SGCZ: variants seen among roughly 807,000 people sequenced by gnomAD.
SGCZ encodes zeta-sarcoglycan.
SGCZ carries 40 observed loss-of-function variants against 41.3 expected under a neutral mutation model. The ratio of observed to expected loss-of-function variants is 0.97; its 90% CI spans 0.75 to 1.26. The LOEUF (loss-of-function observed/expected upper bound fraction) is 1.26, where lower values mean the gene tolerates loss of function less well. Ranked by LOEUF, SGCZ falls within the 50% of genes most tolerant of loss-of-function variation. SGCZ has a pLI of 0.00. For synonymous variants in SGCZ, 206 were observed against 137.5 expected (o/e 1.50, Z -3.49); for missense variants, 552 against 369.8 (o/e 1.49, Z -4.04).
chr8:14,803,030 T>A (rs1302612382), intron 1 of SGCZ, among the ~76,000 whole-genome samples: 1 of 152,170 alleles, frequency 6.6e-6, no homozygotes, highest in Admixed American at 6.5e-5. Context: ...TATTTTTTCT[T>A]TAATCAATCT....
chr8:15,198,903 A>G (rs542944993), intron 1 of SGCZ, among the ~76,000 whole-genome samples: 4 of 152,320 alleles, frequency 2.6e-5, no homozygotes, highest in South Asian at 4.1e-4. Flanking sequence ...TATCAAGGAA[A>G]AGCATAGGTT....
At chr8:14,617,874 G>C (rs1390001647) in intron 1 of SGCZ, among the ~76,000 whole-genome samples, 1 of 151,930 alleles carries the variant, frequency 6.6e-6, no homozygotes, top group Non-Finnish European at 1.5e-5. Context: ...GTGTGTGTGT[G>C]TGCCTTTAAA....
chr8:14,403,652 C>T, intron 2 of SGCZ, among the ~76,000 whole-genome samples: 1 of 152,010 alleles, frequency 6.6e-6, no homozygotes, highest in Non-Finnish European at 1.5e-5. Context: ...TTTTAGTGTT[C>T]ATCAAAAAAC....
intron 1 of SGCZ, among the ~76,000 whole-genome samples, chr8:14,602,353 T>C (rs1585116175): frequency 6.6e-6 from 1 of 151,874 alleles, no homozygotes; most frequent in Non-Finnish European, 1.5e-5. Flanking sequence ...CACCCAGGCA[T>C]GGTGGCTCGC....
intron 1 of SGCZ, among the ~76,000 whole-genome samples, chr8:14,945,236 C>G (rs1800402998): frequency 6.6e-6 from 1 of 151,982 alleles, no homozygotes; most frequent in Admixed American, 6.6e-5. Context: ...GAACACAAAT[C>G]ATAAATAAGA....
chr8:14,575,578 G>C (rs1008690910), intron 1 of SGCZ, among the ~76,000 whole-genome samples: 3 of 152,138 alleles, frequency 2.0e-5, no homozygotes, highest in South Asian at 2.1e-4. Flanking sequence ...AGAAAATGTG[G>C]TTTATTTAAA....
At chr8:14,855,268 T>G (rs902670284) in intron 1 of SGCZ, among the ~76,000 whole-genome samples, 1 of 152,040 alleles carries the variant, frequency 6.6e-6, no homozygotes, top group Non-Finnish European at 1.5e-5. Flanking sequence ...CAGGCTGGTT[T>G]TGAACTCCTG....
intron 3 of SGCZ, among the ~76,000 whole-genome samples, chr8:14,292,197 A>G (rs1033953002): frequency 2.0e-5 from 3 of 152,090 alleles, no homozygotes; most frequent in Non-Finnish European, 4.4e-5. Context: ...ATAACAGACT[A>G]TGGCTTTAAT....
At chr8:15,235,322 CA>C (rs1237377593) in intron 1 of SGCZ, among the ~76,000 whole-genome samples, 4 of 152,166 alleles carry the variant, frequency 2.6e-5, no homozygotes, top group African/African-American at 9.7e-5. Context: ...AATTTATTCC[CA>C]AAACTGGAGG....
intron 1 of SGCZ, among the ~76,000 whole-genome samples, chr8:14,608,722 C>T (rs1160148809): frequency 6.6e-6 from 1 of 151,860 alleles, no homozygotes; most frequent in Non-Finnish European, 1.5e-5. Context: ...GGGGATCCAC[C>T]CCCACGGCCC....
chr8:14,252,777 C>T (rs1356903016), intron 3 of SGCZ, among the ~76,000 whole-genome samples: 1 of 152,182 alleles, frequency 6.6e-6, no homozygotes, highest in African/African-American at 2.4e-5. Context: ...GTCCCCAGAG[C>T]TTCAGCTTTC....
intron 2 of SGCZ, among the ~76,000 whole-genome samples, chr8:14,504,974 G>A (rs140381664): frequency 0.012 from 1,881 of 152,116 alleles, 43 homozygotes; most frequent in African/African-American, 0.043. Context: ...ACTGTCTGTT[G>A]CATTGCTTTT....
chr8:15,116,949 TAAGA>T (rs1476515929), intron 1 of SGCZ, among the ~76,000 whole-genome samples: 1 of 152,240 alleles, frequency 6.6e-6, no homozygotes, highest in Non-Finnish European at 1.5e-5. Flanking sequence ...TTGATAGTTC[TAAGA>T]TAGACATTTA....
chr8:15,057,048 T>G (rs1804734138), intron 1 of SGCZ, among the ~76,000 whole-genome samples: 3 of 152,188 alleles, frequency 2.0e-5, no homozygotes, highest in African/African-American at 7.2e-5. Context: ...GATGGATGTG[T>G]GGGCCGCAGT....
chr8:14,845,989 A>G (rs930793130), intron 1 of SGCZ, among the ~76,000 whole-genome samples: 3 of 152,216 alleles, frequency 2.0e-5, no homozygotes, highest in Non-Finnish European at 2.9e-5. Flanking sequence ...ACATGGAATC[A>G]TTATAAGCTT....
chr8:14,691,059 T>A (rs1006048876), intron 1 of SGCZ, among the ~76,000 whole-genome samples: 7 of 152,212 alleles, frequency 4.6e-5, no homozygotes, highest in African/African-American at 1.7e-4. Flanking sequence ...TCCTACTATA[T>A]GTATCACTTT....
intron 5 of SGCZ, among the ~76,000 whole-genome samples, chr8:14,148,762 G>T (rs1803604819): frequency 6.6e-6 from 1 of 151,958 alleles, no homozygotes; most frequent in South Asian, 2.1e-4. Flanking sequence ...GCCAAAATCT[G>T]ATGAATATTG....
chr8:14,653,035 A>G (rs372792694), intron 1 of SGCZ, among the ~76,000 whole-genome samples: 2 of 152,264 alleles, frequency 1.3e-5, no homozygotes, highest in African/African-American at 4.8e-5. Context: ...AGACTAGTTT[A>G]TTGCCAGCAA....
At chr8:14,876,579 T>A (rs534565522) in intron 1 of SGCZ, among the ~76,000 whole-genome samples, 1 of 152,174 alleles carries the variant, frequency 6.6e-6, no homozygotes, top group Admixed American at 6.6e-5. Context: ...GTAAATTTGA[T>A]GGTGTATGAA....
Sources: allele counts gnomAD v4.1 joint callset (sites outside exome capture counted in the v4.1 genomes callset), GRCh38; gene constraint gnomAD v4.1.1; transcripts MANE v1.5; gene names NCBI Gene and HGNC (gene_info 2026-07-23, HGNC 2026-07-21).